Variants in JCHAIN observed in about 807,000 individuals in gnomAD.
JCHAIN encodes immunoglobulin J chain.
Under a neutral mutation model 11.1 loss-of-function variants are expected in JCHAIN, and 5 were observed. That is an observed-to-expected ratio of 0.45 (90% CI 0.24 to 0.95). JCHAIN has a LOEUF of 0.95. Among genes scored for constraint, JCHAIN ranks in the 40% least tolerant of loss-of-function variants. The probability of loss-of-function intolerance (pLI) is 0.21; values close to 1 mark genes in which losing one functional copy is unlikely to be tolerated. For missense variants in JCHAIN, 165 were observed against 192.7 expected (o/e 0.86, Z 0.85); for synonymous variants, 51 against 67.8 (o/e 0.75, Z 1.22).
intron 2 of JCHAIN, among the ~76,000 whole-genome samples, chr4:70,661,016 T>A (rs56285011): frequency 0.023 from 3,440 of 152,314 alleles, 115 homozygotes; most frequent in African/African-American, 0.073. Context: ...CAAAGTAGAT[T>A]AGTAACTTGC....
chr4:70,657,067 G>T, intron 3 of JCHAIN, 144 bp downstream of exon 3: 1 of 456,730 alleles, frequency 2.2e-6, no homozygotes, highest in Non-Finnish European at 3.9e-6. Flanking sequence ...AATTAACATA[G>T]GAATTAATGT....
intron 2 of JCHAIN, among the ~76,000 whole-genome samples, chr4:70,659,549 CAAAAAAAAAAAAAAAAAAA>C (rs35627461): frequency 6.0e-5 from 1 of 16,552 alleles, no homozygotes; most frequent in Non-Finnish European, 9.5e-5. Flanking sequence ...GACTCTGTCT[CAAAAAAAAAAAAAAAAAAA>C]AAAAAAAAAA....
rs1327128244 is a variant in JCHAIN at position 70,656,337 on chromosome 4, G to C, written c.472C>G (p.Pro158Ala). The C allele has an allele frequency of 6.2e-7, 1 of 1,612,108 alleles. No homozygotes were observed. Among genetic ancestry groups the C allele is most frequent in the South Asian group, 1.1e-5 (1 of 91,036 alleles). Reference sequence around the variant, plus strand: ...GTCAGCAATGACTTAAATTAGTCAGGATAGCAGGCATCTGGGGTTAAGGCT... The same window carrying C: ...GTCAGCAATGACTTAAATTAGTCAGCATAGCAGGCATCTGGGGTTAAGGCT... The part of the protein sequence containing the change: ...ETALTPDACY[P>A]D Residue 158 changes from proline (P) to alanine (A), a missense_variant, in exon 4 of 4, where the codon CCT (proline) becomes GCT (alanine). By Grantham distance (27) the Pro-to-Ala change is conservative (BLOSUM62 -1). Coordinates refer to ENST00000254801, the MANE Select transcript of JCHAIN (RefSeq NM_144646.4).
chr4:70,656,825 T>C (rs959259395), intron 3 of JCHAIN, among the ~76,000 whole-genome samples: 2 of 152,216 alleles, frequency 1.3e-5, no homozygotes, highest in African/African-American at 4.8e-5. Context: ...CCCAACTGTA[T>C]ATCTGTCTAA....
intron 1 of JCHAIN, 68 bp downstream of exon 1, chr4:70,666,359 A>T: frequency 8.6e-7 from 1 of 1,166,048 alleles, no homozygotes; most frequent in Non-Finnish European, 1.3e-6. Context: ...ATAAATGTTT[A>T]AAACTGAAAA....
intron 1 of JCHAIN, 42 bp downstream of exon 1, chr4:70,666,385 A>C: frequency 7.1e-7 from 1 of 1,406,556 alleles, no homozygotes; most frequent in Non-Finnish European, 1.0e-6. Flanking sequence ...TCTGTCCTAT[A>C]TTTTTCCTTT....
intron 2 of JCHAIN, among the ~76,000 whole-genome samples, chr4:70,661,608 A>G (rs1345828790): frequency 6.6e-6 from 1 of 152,098 alleles, no homozygotes; most frequent in Non-Finnish European, 1.5e-5. Context: ...TGGGCAACAT[A>G]GTGAGACCCT....
intron 3 of JCHAIN, among the ~76,000 whole-genome samples, chr4:70,656,747 A>G (rs1426814774): frequency 6.6e-6 from 1 of 152,208 alleles, no homozygotes; most frequent in Non-Finnish European, 1.5e-5. Context: ...AAGCAATATA[A>G]TTAATGATAT....
intron 2 of JCHAIN, among the ~76,000 whole-genome samples, chr4:70,659,978 C>T (rs1739024483): frequency 1.3e-5 from 2 of 152,022 alleles, no homozygotes; most frequent in South Asian, 2.1e-4. Context: ...CATGAAATAT[C>T]TGAATTATCT....
Position 70,655,584 on chromosome 4 carries a change from T to G in JCHAIN, c.*745A>C, listed in dbSNP as rs746113613. 6.6e-6 allele frequency: 1 copy of G among 152,216 alleles called. No individual in the cohort carries two copies. Among genetic ancestry groups the G allele is most frequent in the Non-Finnish European group, 1.5e-5 (1 of 68,036 alleles). The allele number at this position is 152,216 out of a possible 1,614,324, so 9.4% of individuals were successfully genotyped here. ...TAATTGCTCAGACTGTGCTAGAGAATACGTACCATGAAATACATATATTTC... is the reference window on the plus strand; with the variant it reads ...TAATTGCTCAGACTGTGCTAGAGAAGACGTACCATGAAATACATATATTTC... On this transcript the variant is annotated 3_prime_UTR_variant, in exon 4 of 4. Coordinates refer to ENST00000254801, the MANE Select transcript of JCHAIN (RefSeq NM_144646.4).
At chr4:70,666,273 T>C (rs1739151648) in intron 1 of JCHAIN, among the ~76,000 whole-genome samples, 154 bp downstream of exon 1, 1 of 152,174 alleles carries the variant, frequency 6.6e-6, no homozygotes, top group Non-Finnish European at 1.5e-5. Flanking sequence ...CTTATCTATG[T>C]AAAGACAACT....
intron 1 of JCHAIN, among the ~76,000 whole-genome samples, chr4:70,665,514 G>A (rs1056224079): frequency 6.6e-6 from 1 of 151,936 alleles, no homozygotes; most frequent in African/African-American, 2.4e-5. Flanking sequence ...ATGCTCCTCA[G>A]CTACAATGGG....
chr4:70,658,325 G>A (rs1364251220), intron 2 of JCHAIN, among the ~76,000 whole-genome samples: 9 of 152,124 alleles, frequency 5.9e-5, no homozygotes, highest in Non-Finnish European at 8.8e-5. Flanking sequence ...AAAAATGCAA[G>A]CTTAATTTCC....
At chr4:70,657,149 G>T (rs1738964969) in intron 3 of JCHAIN, 62 bp downstream of exon 3, 1 of 849,742 alleles carries the variant, frequency 1.2e-6, no homozygotes, top group Non-Finnish European at 1.9e-6. Context: ...TTACTAACAA[G>T]GTTAAAATTA....
At chr4:70,666,348 C>T (rs1739154262) in intron 1 of JCHAIN, 79 bp downstream of exon 1, 1 of 987,944 alleles carries the variant, frequency 1.0e-6, no homozygotes, top group Middle Eastern at 2.1e-4. Context: ...AAAGCATAGG[C>T]ATAAATGTTT....
intron 3 of JCHAIN, among the ~76,000 whole-genome samples, chr4:70,656,796 C>G (rs970424834): frequency 7.9e-5 from 12 of 152,122 alleles, no homozygotes; most frequent in African/African-American, 2.9e-4. Context: ...ACAGCAATTT[C>G]TACTGTGTTA....
intron 2 of JCHAIN, among the ~76,000 whole-genome samples, chr4:70,658,601 A>G (rs1312919577): frequency 1.3e-5 from 2 of 152,124 alleles, no homozygotes; most frequent in Admixed American, 1.3e-4. Flanking sequence ...TTACGTGATG[A>G]TCTCATATAA....
chr4:70,662,036 G>A, intron 2 of JCHAIN, 56 bp downstream of exon 2: 2 of 1,564,954 alleles, frequency 1.3e-6, no homozygotes, highest in Non-Finnish European at 1.8e-6. Context: ...AATGCTCAGT[G>A]TCAGAAAGTA....
At position 70,666,398 on chromosome 4, in the gene JCHAIN, T is replaced by A. The variant is rs752765737; in HGVS notation, c.64+29A>T. 4.6e-6 allele frequency: 7 copies of A among 1,516,014 alleles called. No individual in the cohort carries two copies. The Admixed American group carries it at 6.7e-5, about 15-fold the overall frequency. The allele number at this position is 1,516,014 out of a possible 1,614,324, so 93.9% of individuals were successfully genotyped here. ...GATCTGTCCTATATTTTTCCTTTGA[T>A]CTGGGATCATTTTCTAAATATCACA... On this transcript the variant is annotated intron_variant, in intron 1 of 3. Coordinates refer to ENST00000254801, the MANE Select transcript of JCHAIN (RefSeq NM_144646.4).
Sources: gnomAD v4.1 joint callset for allele counts (sites outside exome capture counted in the v4.1 genomes callset) on GRCh38, gnomAD v4.1.1 for gene constraint, MANE v1.5 for transcripts, NCBI Gene and HGNC (gene_info 2026-07-23, HGNC 2026-07-21) for gene names.